The following HSDL1 variants were observed in gnomAD, a reference collection of about 807,000 sequenced individuals.
The protein encoded by HSDL1 is hydroxysteroid dehydrogenase like 1, also known as inactive hydroxysteroid dehydrogenase-like protein 1.
Under a neutral mutation model 31.5 loss-of-function variants are expected in HSDL1, and 29 were observed. The observed-to-expected ratio is 0.92, with a 90% confidence interval of 0.69 to 1.26. The LOEUF is 1.26. Among genes scored for constraint, HSDL1 ranks in the 50% most tolerant of loss-of-function variants. HSDL1 has a pLI of 0.00. For missense variants in HSDL1, 503 were observed against 416.6 expected, an observed-to-expected ratio of 1.21 and a Z score of -1.81; for synonymous variants, 222 against 155.2, an observed-to-expected ratio of 1.43 and a Z score of -3.20.
At chr16:84,136,291 G>C (rs1291737236) in intron 1 of HSDL1, among the ~76,000 whole-genome samples, 1 of 151,612 alleles carries the variant, frequency 6.6e-6, no homozygotes, top group Non-Finnish European at 1.5e-5. Context: ...GGAAATGAAA[G>C]GAAACCCCTG....
Position 84,131,123 on chromosome 16 carries a change from C to A in HSDL1, c.199G>T (p.Gly67Ter). ...TTACCGCTGACAACGGCCCATCTTC[C>A]ATACTGCTTGATCAAGTCTGCTCTG... ...GSRADLIKQY[G>*]RWAVVSGATD... Residue 67 changes from glycine to a stop codon, truncating the protein, a stop_gained, in exon 3 of 6, where the codon GGA becomes TGA. Coordinates refer to ENST00000219439, the MANE Select transcript of HSDL1 (RefSeq NM_031463.5). LOFTEE classifies it high-confidence loss of function. 1 of 1,613,506 alleles carries A rather than the reference C, an allele frequency of 6.2e-7. No homozygotes were observed. Among genetic ancestry groups the A allele is most frequent in the Non-Finnish European group, 8.5e-7 (1 of 1,179,466 alleles).
chr16:84,138,233 T>G (rs1000574127), intron 1 of HSDL1, among the ~76,000 whole-genome samples: 8 of 152,268 alleles, frequency 5.3e-5, no homozygotes, highest in Non-Finnish European at 1.0e-4. Context: ...AGTAAAATTC[T>G]GATTCATGTA....
chr16:84,136,555 T>C (rs1241428965), intron 1 of HSDL1, among the ~76,000 whole-genome samples: 1 of 152,158 alleles, frequency 6.6e-6, no homozygotes, highest in Non-Finnish European at 1.5e-5. Context: ...CTTTGATCCT[T>C]TACAGAAAGA....
At chr16:84,139,378 G>A (rs1224733358) in intron 1 of HSDL1, 1 of 152,322 alleles carries the variant, frequency 6.6e-6, no homozygotes, top group African/African-American at 2.4e-5. Flanking sequence ...GAGAGAGCTC[G>A]AGTTGAGGGT....
At chr16:84,133,458 C>T (rs1329926489) in intron 2 of HSDL1, among the ~76,000 whole-genome samples, 1 of 152,190 alleles carries the variant, frequency 6.6e-6, no homozygotes, top group Non-Finnish European at 1.5e-5. Flanking sequence ...ATGTTTTCCT[C>T]AGCCGGGCGC....
chr16:84,131,380 C>T lies in HSDL1; in HGVS notation c.-6-53G>A, dbSNP rs2086664058. Reference sequence around the variant, plus strand: ...CTCTTTGATTAATAAATTAAAGGAACATACACAGTCTGAGTGAAGACATCC... The same window carrying T: ...CTCTTTGATTAATAAATTAAAGGAATATACACAGTCTGAGTGAAGACATCC... On this transcript the variant is annotated intron_variant, in intron 2 of 5. Coordinates refer to ENST00000219439, the MANE Select transcript of HSDL1 (RefSeq NM_031463.5). 3 of 1,268,054 alleles carry T rather than the reference C, an allele frequency of 2.4e-6. No homozygotes were observed. The Admixed American group carries it at 5.1e-5, about 22-fold the overall frequency. The allele number at this position is 1,268,054 out of a possible 1,614,324, so 78.6% of individuals were successfully genotyped here.
rs751796817 is a variant in HSDL1, at chr16:84,130,388, T to G, written c.264A>C (p.Ala88=). The change falls in exon 4 of 6, where the codon GCA becomes GCC. Residue 88 remains alanine, a synonymous_variant. Transcript: ENST00000219439. ...GIGKAYAEEL[A]SRGLNIILIS... ...TCAGGATTATATTGAGACCTCGGCT[T>G]GCTAACTCTTCAGCGTAGGCTTTTC... 1.9e-6 allele frequency: 3 copies of G among 1,613,652 alleles called. No individual in the cohort carries two copies. Among genetic ancestry groups the G allele is most frequent in the Non-Finnish European group, 2.5e-6 (3 of 1,179,972 alleles).
Position 84,124,636 on chromosome 16 carries a change from T to C in HSDL1, c.987A>G (p.Thr329=). Residue 329 remains threonine (T), a synonymous_variant, in exon 6 of 6, where the codon ACA becomes ACG. Transcript: ENST00000219439. ...RSLRKEALSC[T]A Reference sequence around the variant, plus strand: ...CTCAAGTGGCCATCCAGACTCAGGCTGTGCAGGATAAGGCTTCCTTACGTA... The same window carrying C: ...CTCAAGTGGCCATCCAGACTCAGGCCGTGCAGGATAAGGCTTCCTTACGTA... 3.7e-6 allele frequency: 6 copies of C among 1,609,916 alleles called. No homozygotes were observed. Among genetic ancestry groups the C allele is most frequent in the Non-Finnish European group, 5.1e-6 (6 of 1,176,112 alleles).
intron 2 of HSDL1, among the ~76,000 whole-genome samples, chr16:84,134,036 C>A (rs1264841742): frequency 6.6e-6 from 1 of 152,098 alleles, no homozygotes; most frequent in African/African-American, 2.4e-5. Flanking sequence ...AGCAATCTTC[C>A]GTACAGCAGT....
intron 1 of HSDL1, among the ~76,000 whole-genome samples, chr16:84,141,090 C>CAAAAAAAAA (rs553224060): frequency 1.5e-5 from 2 of 136,210 alleles, no homozygotes; most frequent in African/African-American, 7.3e-5. Context: ...GACTCCGTCT[C>CAAAAAAAAA]AAACAAAAAA....
chr16:84,131,487 A>ATCTG (rs754745521), intron 2 of HSDL1, among the ~76,000 whole-genome samples, 160 bp from the exon 3 acceptor site: 1 of 63,110 alleles, frequency 1.6e-5, no homozygotes, highest in Non-Finnish European at 3.1e-5. Context: ...GTTTCAGTCT[A>ATCTG]TCTATCTATC....
At chr16:84,133,940 T>C (rs1224566296) in intron 2 of HSDL1, among the ~76,000 whole-genome samples, 1 of 152,182 alleles carries the variant, frequency 6.6e-6, no homozygotes, top group Non-Finnish European at 1.5e-5. Flanking sequence ...AATGCTCCTT[T>C]GGGGTAATTT....
At chr16:84,126,622 G>A (rs1360604090) in intron 5 of HSDL1, among the ~76,000 whole-genome samples, 1 of 152,132 alleles carries the variant, frequency 6.6e-6, no homozygotes, top group African/African-American at 2.4e-5. Context: ...ACAGGCCCTT[G>A]GCAAGTACTG....
chr16:84,139,570 AGAAG>A (rs1383116190), intron 1 of HSDL1, among the ~76,000 whole-genome samples: 2 of 152,192 alleles, frequency 1.3e-5, no homozygotes, highest in Non-Finnish European at 2.9e-5. Flanking sequence ...TCCCATCTCC[AGAAG>A]GAAGAGACAT....
At chr16:84,129,952 T>C (rs912209828) in intron 4 of HSDL1, 34 bp downstream of exon 4, 1 of 1,588,246 alleles carries the variant, frequency 6.3e-7, no homozygotes. Context: ...TTCTGTGGCA[T>C]TAGGATTTCA....
Position 84,129,765 on chromosome 16 carries a change from T to G in HSDL1, c.677A>C (p.Asp226Ala). 6.2e-7 allele frequency: 1 copy of G among 1,613,324 alleles called. No homozygotes were observed. Among genetic ancestry groups the G allele is most frequent in the East Asian group, 2.2e-5 (1 of 44,886 alleles). The stretch of plus-strand genomic sequence containing the variant: ...ATATTGCAAGGCTCTGCTGAAGTGG[T>G]CTAAATAAGCCTGTTGAGACAGAGG... Reference protein sequence around the residue: ...AAFSASKAYLDHFSRALQYEY... With the variant: ...AAFSASKAYLAHFSRALQYEY... Residue 226 changes from aspartate (D) to alanine (A), a missense_variant, in exon 5 of 6, where the codon GAC (aspartate) becomes GCC (alanine). Transcript: ENST00000219439.
intron 1 of HSDL1, among the ~76,000 whole-genome samples, chr16:84,143,710 A>T (rs994240530): frequency 2.0e-5 from 3 of 152,212 alleles, no homozygotes; most frequent in African/African-American, 7.2e-5. Context: ...TAAAACCACA[A>T]ACTTGGCCGG....
intron 2 of HSDL1, among the ~76,000 whole-genome samples, chr16:84,133,115 T>TA (rs1462709767): frequency 6.6e-6 from 1 of 150,948 alleles, no homozygotes; most frequent in Non-Finnish European, 1.5e-5. Context: ...TTTTGCAAAG[T>TA]AAAAAAGGAA....
chr16:84,123,403 C>G lies in HSDL1; in HGVS notation c.*1227G>C, dbSNP rs982830622. The G allele has an allele frequency of 1.3e-5, 2 of 152,142 alleles. No homozygotes were observed. Among genetic ancestry groups the G allele is most frequent in the African/African-American group, 4.8e-5 (2 of 41,422 alleles). The allele number at this position is 152,142 out of a possible 1,614,324, so 9.4% of individuals were successfully genotyped here. ...TATTCATATAGTGACTTAGAGTTTT[C>G]AAAGCACTAGGTACATGGTCCTCAA... is the stretch of plus-strand genomic sequence containing the variant. On this transcript the variant is annotated 3_prime_UTR_variant, in exon 6 of 6. Transcript: ENST00000219439.
Sources: gnomAD v4.1 joint callset for allele counts (sites outside exome capture counted in the v4.1 genomes callset) on GRCh38, gnomAD v4.1.1 for gene constraint, MANE v1.5 for transcripts, NCBI Gene and HGNC (gene_info 2026-07-23, HGNC 2026-07-21) for gene names.